Variants in CYRIB observed in about 807,000 individuals in gnomAD.
CYRIB encodes CYFIP-related Rac1 interactor B.
In CYRIB, 8 loss-of-function variants were observed where a neutral mutation model predicts 44.2. The observed-to-expected ratio is 0.18, with a 90% CI of 0.11 to 0.33. The LOEUF is 0.33. Among genes scored for constraint, CYRIB ranks in the 10% least tolerant of loss-of-function variants. The pLI is 1.00. For synonymous variants in CYRIB, 131 were observed against 127.2 expected, an observed-to-expected ratio of 1.03 and a Z score of -0.20; for missense variants, 185 against 382.8, an observed-to-expected ratio of 0.48 and a Z score of 4.31.
chr8:129,908,927 T>C (rs1398219308), intron 1 of CYRIB, among the ~76,000 whole-genome samples: 3 of 151,620 alleles, frequency 2.0e-5, no homozygotes, highest in Non-Finnish European at 4.4e-5. Flanking sequence ...ACAATATCAA[T>C]ACATTCTTTT....
At chr8:129,955,311 G>A (rs1476229069) in intron 2 of CYRIB, among the ~76,000 whole-genome samples, 1 of 151,634 alleles carries the variant, frequency 6.6e-6, no homozygotes, top group Non-Finnish European at 1.5e-5. Flanking sequence ...GGAAATGCAG[G>A]CTTTCTGAGA....
upstream of CYRIB, among the ~76,000 whole-genome samples, chr8:129,942,762 G>A (rs145338113): frequency 1.3e-3 from 195 of 152,244 alleles, no homozygotes; most frequent in African/African-American, 4.5e-3. Flanking sequence ...TAAGCTCTAC[G>A]CTCTTGACTT....
chr8:129,926,882 C>A (rs1464444267), intron 1 of CYRIB, among the ~76,000 whole-genome samples: 1 of 152,188 alleles, frequency 6.6e-6, no homozygotes, highest in Non-Finnish European at 1.5e-5. Context: ...ATCTAATACT[C>A]AAGAGCAGAT....
At chr8:129,886,212 C>G (rs995320250) in intron 2 of CYRIB, among the ~76,000 whole-genome samples, 1 of 152,208 alleles carries the variant, frequency 6.6e-6, no homozygotes, top group Non-Finnish European at 1.5e-5. Flanking sequence ...ATGCCCACTA[C>G]AATAAACCTG....
chr8:129,934,173 C>T (rs1209177810), intron 1 of CYRIB, among the ~76,000 whole-genome samples: 2 of 152,152 alleles, frequency 1.3e-5, no homozygotes, highest in African/African-American at 4.8e-5. Context: ...ATCAAGTTTA[C>T]GCCTTCTGAA....
chr8:129,994,329 G>A (rs1379678436), intron 1 of CYRIB, among the ~76,000 whole-genome samples: 5 of 152,154 alleles, frequency 3.3e-5, no homozygotes, highest in African/African-American at 9.7e-5. Flanking sequence ...CAACCCTCCC[G>A]GCACCTTCGC....
intron 2 of CYRIB, among the ~76,000 whole-genome samples, chr8:129,966,838 G>A (rs548474385): frequency 3.3e-5 from 5 of 152,116 alleles, no homozygotes; most frequent in East Asian, 1.9e-4. Flanking sequence ...GGGAATACAG[G>A]TGCATACCAC....
At chr8:129,941,111 G>A (rs888447292), upstream of CYRIB, among the ~76,000 whole-genome samples, 2 of 151,982 alleles carry the variant, frequency 1.3e-5, no homozygotes, top group African/African-American at 4.8e-5. Context: ...ACTTAGAAAC[G>A]TGTTGAGTCA....
rs115181344 is a variant in CYRIB, at chr8:129,885,572, G to A, written c.-10-6101C>T. On this transcript the variant is annotated intron_variant, in intron 2 of 11. Transcript: ENST00000519824. ...GCTGTAGGGGACTGTCTAGTGCCTT[G>A]TAGGTTGTTTAGCAGTATTCTGGGC... 5.9e-3 allele frequency among the ~76,000 whole-genome samples: 891 copies of A among 152,220 alleles called. 7 individuals are homozygous for A. The highest frequency in any genetic ancestry group is 0.02 in the African/African-American group (843 of 41,514).
chr8:129,946,925 C>T (rs1393659705), intron 2 of CYRIB, among the ~76,000 whole-genome samples: 2 of 151,960 alleles, frequency 1.3e-5, no homozygotes, highest in East Asian at 3.9e-4. Context: ...CAAAGCAGTT[C>T]CCCCATCACC....
At chr8:129,957,964 C>CA (rs371857313) in intron 2 of CYRIB, among the ~76,000 whole-genome samples, 28,153 of 103,500 alleles carry the variant, frequency 0.27, 3,232 homozygotes, top group South Asian at 0.41. Flanking sequence ...GACTCCATCT[C>CA]AAAAAAAAAA....
intron 2 of CYRIB, among the ~76,000 whole-genome samples, chr8:129,886,260 T>C (rs1326586202): frequency 1.3e-5 from 2 of 152,190 alleles, no homozygotes; most frequent in Admixed American, 6.5e-5. Flanking sequence ...TTTGGCTAAA[T>C]CTAAAGGACA....
chr8:129,944,656 G>A (rs930474456), upstream of CYRIB, among the ~76,000 whole-genome samples: 4 of 151,804 alleles, frequency 2.6e-5, no homozygotes, highest in African/African-American at 7.3e-5. Flanking sequence ...GGTGGCACAC[G>A]CTTGTATTCC....
At chr8:129,911,671 T>C (rs975414065) in intron 1 of CYRIB, among the ~76,000 whole-genome samples, 6 of 150,520 alleles carry the variant, frequency 4.0e-5, no homozygotes, top group African/African-American at 1.5e-4. Context: ...TGTGGTGGTG[T>C]GCAAAAAAAA....
chr8:129,879,490 GAA>G lies in CYRIB; in HGVS notation c.-10-21_-10-20del. 1 of 1,517,012 alleles carries G rather than the reference GAA, an allele frequency of 6.6e-7. No homozygotes were observed. The allele number at this position is 1,517,012 out of a possible 1,614,324, so 94.0% of individuals were successfully genotyped here. A position where few individuals can be genotyped will look rare whatever the true frequency, so the allele number is the denominator to read the frequency against. The stretch of plus-strand genomic sequence containing the variant: ...AAGGTACCTGTCAAGACAAGAATGA[GAA>G]AAGAGAAAATATCCCTTTATAAAAA... On this transcript the variant is annotated intron_variant, in intron 2 of 11. Transcript: ENST00000519824.
chr8:129,962,086 AC>A (rs2095285996), intron 2 of CYRIB, among the ~76,000 whole-genome samples: 1 of 152,046 alleles, frequency 6.6e-6, no homozygotes, highest in African/African-American at 2.4e-5. Flanking sequence ...CCTTCTCTAA[AC>A]ATACAAAAAA....
At chr8:129,854,291 C>T in exon 7 of CYRIB, 1 of 1,611,012 alleles carries the variant, frequency 6.2e-7, no homozygotes, top group African/African-American at 1.3e-5. Flanking sequence ...CCTCATACGA[C>T]TCAATGTTCT....
At chr8:129,844,649 G>A (rs1314112903) in intron 11 of CYRIB, 1 of 152,112 alleles carries the variant, frequency 6.6e-6, no homozygotes, top group East Asian at 1.9e-4. Context: ...TAGTAGCACA[G>A]GAAGTTCTAT....
intron 1 of CYRIB, among the ~76,000 whole-genome samples, chr8:129,915,630 G>A (rs1448327830): frequency 6.6e-6 from 1 of 152,144 alleles, no homozygotes; most frequent in African/African-American, 2.4e-5. Flanking sequence ...CTTGATTGTG[G>A]TGATGGTTTC....
Sources: gnomAD v4.1 joint callset for allele counts (sites outside exome capture counted in the v4.1 genomes callset) on GRCh38, gnomAD v4.1.1 for gene constraint, MANE v1.5 for transcripts, NCBI Gene and HGNC (gene_info 2026-07-23, HGNC 2026-07-21) for gene names.